DRC8: variants seen among roughly 807,000 people sequenced by gnomAD.
The protein encoded by DRC8 is dynein regulatory complex subunit 8.
chr1:244,983,739 CAAA>C, the DRC8 span, among the ~76,000 whole-genome samples: 2 of 100,988 alleles, frequency 2.0e-5, no homozygotes, highest in African/African-American at 4.1e-5. Context: ...GACTCTGTCT[CAAA>C]AAAAAAAAAA....
chr1:244,998,274 T>C, the DRC8 span, among the ~76,000 whole-genome samples: 1 of 152,274 alleles, frequency 6.6e-6, no homozygotes, highest in Middle Eastern at 3.4e-3. Context: ...AGTGATGCGA[T>C]CACAGCTCAC....
At chr1:245,018,594 A>G in the DRC8 span, among the ~76,000 whole-genome samples, 1 of 152,092 alleles carries the variant, frequency 6.6e-6, no homozygotes, top group African/African-American at 2.4e-5. Context: ...TTGAATAACT[A>G]ACTACATGAA....
the DRC8 span, among the ~76,000 whole-genome samples, chr1:245,093,662 C>A: frequency 6.7e-6 from 1 of 149,054 alleles, no homozygotes; most frequent in South Asian, 2.1e-4. Context: ...TGCCACTGCA[C>A]TCCAGCCTGG....
chr1:245,024,608 C>T, the DRC8 span, among the ~76,000 whole-genome samples: 190 of 148,460 alleles, frequency 1.3e-3, no homozygotes, highest in African/African-American at 4.5e-3. Flanking sequence ...AGTGCAGTGG[C>T]ACGATCTCAG....
chr1:245,000,425 CTG>C, the DRC8 span, among the ~76,000 whole-genome samples: 1 of 152,248 alleles, frequency 6.6e-6, no homozygotes, highest in African/African-American at 2.4e-5. Context: ...GAAAGTGAAA[CTG>C]TGGACAAAGG....
the DRC8 span, among the ~76,000 whole-genome samples, chr1:245,076,924 G>A: frequency 6.1e-4 from 93 of 151,930 alleles, no homozygotes; most frequent in Admixed American, 1.6e-3. Flanking sequence ...ATGGGGTTTC[G>A]CCGTGTTGGC....
At chr1:245,035,557 A>G in the DRC8 span, among the ~76,000 whole-genome samples, 1 of 152,206 alleles carries the variant, frequency 6.6e-6, no homozygotes, top group African/African-American at 2.4e-5. Context: ...CACACCATAT[A>G]TGAAAATTAA....
chr1:244,989,461 A>G, the DRC8 span, among the ~76,000 whole-genome samples: 1 of 151,970 alleles, frequency 6.6e-6, no homozygotes, highest in African/African-American at 2.4e-5. Flanking sequence ...TTAGAATTTG[A>G]TGTTTGTGTC....
At chr1:245,107,822 C>T in the DRC8 span, among the ~76,000 whole-genome samples, 1 of 152,144 alleles carries the variant, frequency 6.6e-6, no homozygotes, top group Non-Finnish European at 1.5e-5. Context: ...AGCCCAGATT[C>T]CCTCCAAGCA....
the DRC8 span, among the ~76,000 whole-genome samples, chr1:245,050,477 G>T: frequency 2.0e-5 from 3 of 152,216 alleles, no homozygotes; most frequent in Non-Finnish European, 2.9e-5. Context: ...TGCTGAGGGG[G>T]TCACTGCTTG....
the DRC8 span, among the ~76,000 whole-genome samples, chr1:244,981,615 C>G: frequency 6.6e-6 from 1 of 152,156 alleles, no homozygotes; most frequent in South Asian, 2.1e-4. Flanking sequence ...GTCATCACTC[C>G]GGTTGCTCCT....
At chr1:244,970,088 G>T in the DRC8 span, 1 of 659,984 alleles carries the variant, frequency 1.5e-6, no homozygotes, top group Non-Finnish European at 2.7e-6. Flanking sequence ...AGAAATAAGG[G>T]AAAGGAGGGG....
At chr1:245,028,495 T>C in the DRC8 span, among the ~76,000 whole-genome samples, 1 of 152,216 alleles carries the variant, frequency 6.6e-6, no homozygotes, top group Non-Finnish European at 1.5e-5. Flanking sequence ...GGAATATTTT[T>C]TTTCTTGTTG....
chr1:245,102,615 G>T, the DRC8 span, among the ~76,000 whole-genome samples: 4 of 151,832 alleles, frequency 2.6e-5, no homozygotes, highest in African/African-American at 9.7e-5. Context: ...CTCCCAAAGT[G>T]CTGGGATTAC....
the DRC8 span, among the ~76,000 whole-genome samples, chr1:245,009,001 T>C: frequency 4.6e-5 from 7 of 151,416 alleles, no homozygotes; most frequent in African/African-American, 1.7e-4. Context: ...GCACAAATTT[T>C]TGTAGTTTCC....
chr1:244,997,697 C>T, the DRC8 span, among the ~76,000 whole-genome samples: 1 of 151,982 alleles, frequency 6.6e-6, no homozygotes, highest in African/African-American at 2.4e-5. Context: ...GCGCCCTCCA[C>T]GACACCCAGC....
the DRC8 span, among the ~76,000 whole-genome samples, chr1:245,118,783 A>G: frequency 5.9e-5 from 9 of 151,370 alleles, no homozygotes; most frequent in African/African-American, 2.2e-4. Context: ...CAAGAGCAAA[A>G]CGCCATCTCA....
the DRC8 span, among the ~76,000 whole-genome samples, chr1:244,994,105 C>G: frequency 6.6e-6 from 1 of 152,188 alleles, no homozygotes; most frequent in Non-Finnish European, 1.5e-5. Context: ...GCCTTTAGCT[C>G]TGTCCCCTGA....
the DRC8 span, among the ~76,000 whole-genome samples, chr1:245,120,865 GT>G: frequency 6.6e-6 from 1 of 152,248 alleles, no homozygotes; most frequent in Admixed American, 6.5e-5. Flanking sequence ...GCAATGTTAG[GT>G]TTGGCCCACT....
Sources: gnomAD v4.1 joint callset for allele counts (sites outside exome capture counted in the v4.1 genomes callset) on GRCh38, gnomAD v4.1.1 for gene constraint, MANE v1.5 for transcripts, NCBI Gene and HGNC (gene_info 2026-07-23, HGNC 2026-07-21) for gene names.